The following LHFPL3 variants were observed in gnomAD, a reference collection of about 807,000 sequenced individuals.
The protein encoded by LHFPL3 is LHFPL tetraspan subfamily member 3.
Under a neutral mutation model 19.3 loss-of-function variants are expected in LHFPL3, and 5 were observed. That is an observed-to-expected ratio of 0.26 (90% CI 0.14 to 0.54). The LOEUF (loss-of-function observed/expected upper bound fraction) is 0.54, where lower values mean the gene tolerates loss of function less well. Among genes scored for constraint, LHFPL3 ranks in the 20% least tolerant of loss-of-function variants. The pLI is 0.94. For synonymous variants in LHFPL3, 133 were observed against 126.2 expected (o/e 1.05, Z -0.36); for missense variants, 249 against 307.4 (o/e 0.81, Z 1.42).
chr7:104,576,151 G>A (rs1790335040), intron 1 of LHFPL3, among the ~76,000 whole-genome samples: 1 of 151,782 alleles, frequency 6.6e-6, no homozygotes, highest in African/African-American at 2.4e-5. Context: ...AGCACAGAAA[G>A]AAGATCCAGG....
intron 2 of LHFPL3, among the ~76,000 whole-genome samples, chr7:104,870,408 C>T (rs1215931500): frequency 3.9e-5 from 6 of 152,086 alleles, no homozygotes; most frequent in Admixed American, 3.9e-4. Context: ...CCGACTTGCA[C>T]CTCTGGGAAA....
chr7:104,493,482 C>T (rs1319813178), intron 1 of LHFPL3, among the ~76,000 whole-genome samples: 1 of 151,942 alleles, frequency 6.6e-6, no homozygotes, highest in East Asian at 1.9e-4. Flanking sequence ...TCTCAAGAGC[C>T]TGCTGGAGTT....
chr7:104,840,655 C>G (rs865992890), intron 2 of LHFPL3, among the ~76,000 whole-genome samples: 11 of 151,648 alleles, frequency 7.3e-5, no homozygotes, highest in African/African-American at 2.4e-4. Context: ...TACCCTCCCC[C>G]CACTGAACAC....
At chr7:104,549,463 AC>A (rs1794629657) in intron 1 of LHFPL3, among the ~76,000 whole-genome samples, 1 of 147,176 alleles carries the variant, frequency 6.8e-6, no homozygotes, top group Non-Finnish European at 1.5e-5. Context: ...ACACACACAC[AC>A]ACACACACAC....
chr7:104,793,324 C>T (rs1790058771), intron 2 of LHFPL3, among the ~76,000 whole-genome samples: 1 of 152,176 alleles, frequency 6.6e-6, no homozygotes, highest in South Asian at 2.1e-4. Context: ...ATATTTGTAA[C>T]AGAAAACCAA....
chr7:104,555,670 C>A (rs974383847), intron 1 of LHFPL3, among the ~76,000 whole-genome samples: 3 of 152,168 alleles, frequency 2.0e-5, no homozygotes, highest in Admixed American at 6.5e-5. Flanking sequence ...TTATTCCACA[C>A]CTGGCTTCCC....
At chr7:104,391,064 T>A (rs1323094062) in intron 1 of LHFPL3, among the ~76,000 whole-genome samples, 3 of 152,100 alleles carry the variant, frequency 2.0e-5, no homozygotes, top group East Asian at 1.9e-4. Context: ...GTTTGAGTTC[T>A]TTGTAGATTC....
intron 1 of LHFPL3, among the ~76,000 whole-genome samples, chr7:104,466,539 A>G (rs1437769610): frequency 6.6e-6 from 1 of 152,196 alleles, no homozygotes; most frequent in Non-Finnish European, 1.5e-5. Context: ...CTGAAAAGTG[A>G]CCATTGTATT....
At chr7:104,844,862 C>T (rs1377727600) in intron 2 of LHFPL3, among the ~76,000 whole-genome samples, 1 of 152,226 alleles carries the variant, frequency 6.6e-6, no homozygotes, top group Non-Finnish European at 1.5e-5. Context: ...GCCTCAGACT[C>T]CCATGTAGCA....
intron 2 of LHFPL3, among the ~76,000 whole-genome samples, chr7:104,818,994 A>G (rs1233191718): frequency 6.6e-6 from 1 of 152,142 alleles, no homozygotes; most frequent in African/African-American, 2.4e-5. Flanking sequence ...ACAAATAGCT[A>G]TATAGAACTT....
At chr7:104,528,861 T>C (rs1584382552) in intron 1 of LHFPL3, among the ~76,000 whole-genome samples, 1 of 152,176 alleles carries the variant, frequency 6.6e-6, no homozygotes, top group Admixed American at 6.5e-5. Flanking sequence ...AAGACTCTTT[T>C]TGGTGTAAGG....
At chr7:104,579,050 A>G (rs1033688009) in intron 1 of LHFPL3, among the ~76,000 whole-genome samples, 6 of 152,180 alleles carry the variant, frequency 3.9e-5, no homozygotes, top group African/African-American at 1.2e-4. Flanking sequence ...GGTACAAAAC[A>G]TACTGCTTAT....
At chr7:104,440,030 A>G (rs1792185196) in intron 1 of LHFPL3, among the ~76,000 whole-genome samples, 1 of 71,700 alleles carries the variant, frequency 1.4e-5, no homozygotes, top group South Asian at 6.3e-4. Context: ...ATATAATACA[A>G]AGCCTGGGGG....
chr7:104,809,307 G>T (rs1436424485), intron 2 of LHFPL3, among the ~76,000 whole-genome samples: 2 of 152,224 alleles, frequency 1.3e-5, no homozygotes, highest in Non-Finnish European at 2.9e-5. Context: ...TAAATGTCAG[G>T]TTGCTGAGAC....
intron 1 of LHFPL3, among the ~76,000 whole-genome samples, chr7:104,677,343 C>T (rs1792610503): frequency 1.3e-5 from 2 of 149,068 alleles, no homozygotes; most frequent in South Asian, 2.1e-4. Flanking sequence ...TACCACTGTA[C>T]TCCAGCAGGA....
At chr7:104,464,200 T>G (rs1792731228) in intron 1 of LHFPL3, among the ~76,000 whole-genome samples, 1 of 152,224 alleles carries the variant, frequency 6.6e-6, no homozygotes, top group Admixed American at 6.5e-5. Context: ...ACTCCTTGTC[T>G]CACGCCCGGG....
intron 1 of LHFPL3, among the ~76,000 whole-genome samples, chr7:104,417,975 T>G (rs1162210318): frequency 6.7e-6 from 1 of 150,226 alleles, no homozygotes; most frequent in Non-Finnish European, 1.5e-5. Flanking sequence ...CTCTGCCTCC[T>G]GGGTTCAAGG....
intron 2 of LHFPL3, among the ~76,000 whole-genome samples, chr7:104,758,828 G>A (rs1285939786): frequency 6.6e-6 from 1 of 152,068 alleles, no homozygotes; most frequent in African/African-American, 2.4e-5. Context: ...CTCCCATAGG[G>A]TTGGGTTCTT....
chr7:104,755,981 C>T (rs1218141335), intron 2 of LHFPL3, among the ~76,000 whole-genome samples: 1 of 152,088 alleles, frequency 6.6e-6, no homozygotes, highest in Non-Finnish European at 1.5e-5. Context: ...AGGTGTGAGC[C>T]ACCACACCCA....
Sources: gnomAD v4.1 joint callset for allele counts (sites outside exome capture counted in the v4.1 genomes callset) on GRCh38, gnomAD v4.1.1 for gene constraint, MANE v1.5 for transcripts, NCBI Gene and HGNC (gene_info 2026-07-23, HGNC 2026-07-21) for gene names.